GLI3: variants seen among roughly 807,000 people sequenced by gnomAD.
The protein encoded by GLI3 is transcription activator GLI3.
A neutral mutation model predicts 100.8 loss-of-function variants in GLI3; 20 were observed. The observed-to-expected ratio is 0.20, with a 90% confidence interval of 0.14 to 0.29. The LOEUF is 0.29. Ranked by LOEUF, GLI3 falls within the 10% of genes least tolerant of loss-of-function variation. The pLI is 1.00. For missense variants in GLI3, 2,040 were observed against 2,128.5 expected, an observed-to-expected ratio of 0.96 and a Z score of 0.82; for synonymous variants, 938 against 860.5, an observed-to-expected ratio of 1.09 and a Z score of -1.58.
intron 1 of GLI3, 102 bp downstream of exon 1, chr7:42,236,869 C>G (rs1412285761): frequency 6.6e-6 from 1 of 152,182 alleles, no homozygotes; most frequent in Admixed American, 6.5e-5. Context: ...TCACTCCATC[C>G]CGTCCCCACG....
Position 41,994,813 on chromosome 7 carries a change from G to C in GLI3, c.1498-16065C>G, listed in dbSNP as rs74318367. 4.7e-4 allele frequency among the ~76,000 whole-genome samples: 71 copies of C among 152,252 alleles called. No individual in the cohort carries two copies. In the East Asian group the frequency reaches 8.5e-3, roughly 18 times the overall value. ...AGATTTTCTTGGGAGTATTTGGCCG[G>C]TGTATATTGCATAATCATTCAAGTC... On this transcript the variant is annotated intron_variant, in intron 10 of 14. Coordinates refer to ENST00000395925, the MANE Select transcript of GLI3 (RefSeq NM_000168.6).
chr7:42,101,361 G>T (rs1324903107), intron 3 of GLI3, among the ~76,000 whole-genome samples: 1 of 152,158 alleles, frequency 6.6e-6, no homozygotes, highest in Admixed American at 6.5e-5. Flanking sequence ...AGCACTTTGG[G>T]AGGCTGAGGT....
At chr7:42,227,876 G>A (rs1029586177) in intron 1 of GLI3, among the ~76,000 whole-genome samples, 1 of 152,186 alleles carries the variant, frequency 6.6e-6, no homozygotes, top group Admixed American at 6.5e-5. Context: ...CCATTACAAA[G>A]GCGAGTCCCC....
intron 4 of GLI3, 21 bp from the exon 5 acceptor site, chr7:42,048,717 A>G: frequency 6.6e-7 from 1 of 1,516,640 alleles, no homozygotes; most frequent in Non-Finnish European, 9.1e-7. Context: ...AGAAAACCAG[A>G]TACAAGGGGT....
intron 4 of GLI3, among the ~76,000 whole-genome samples, chr7:42,058,922 G>C (rs1478527517): frequency 6.6e-6 from 1 of 152,126 alleles, no homozygotes; most frequent in Non-Finnish European, 1.5e-5. Flanking sequence ...TAAAAAGAAA[G>C]TCCATTCCAG....
intron 4 of GLI3, among the ~76,000 whole-genome samples, chr7:42,056,520 C>G (rs573713606): frequency 6.6e-6 from 1 of 152,044 alleles, no homozygotes; most frequent in Non-Finnish European, 1.5e-5. Flanking sequence ...TATTGCTTAA[C>G]GTATGCATTA....
chr7:42,011,114 A>G (rs1350947690), intron 10 of GLI3, among the ~76,000 whole-genome samples: 1 of 152,196 alleles, frequency 6.6e-6, no homozygotes, highest in Non-Finnish European at 1.5e-5. Context: ...GTTTAGGGGA[A>G]ATGTGGCCAC....
intron 6 of GLI3, among the ~76,000 whole-genome samples, chr7:42,044,518 A>G (rs1370184516): frequency 6.6e-6 from 1 of 152,208 alleles, no homozygotes; most frequent in Non-Finnish European, 1.5e-5. Context: ...GTGATACAAC[A>G]TGCATCAAGT....
chr7:42,237,578 C>T (rs547636962), upstream of GLI3, among the ~76,000 whole-genome samples: 45 of 151,938 alleles, frequency 3.0e-4, no homozygotes, highest in African/African-American at 9.4e-4. Context: ...TCTTCCTCCT[C>T]CTCCCCGCGC....
intron 10 of GLI3, among the ~76,000 whole-genome samples, chr7:42,002,903 T>A (rs535771419): frequency 6.6e-6 from 1 of 152,328 alleles, no homozygotes; most frequent in South Asian, 2.1e-4. Context: ...ATTAGGTTAC[T>A]GAGTGGATTA....
intron 4 of GLI3, among the ~76,000 whole-genome samples, chr7:42,064,574 A>C (rs1302357240): frequency 6.6e-6 from 1 of 152,212 alleles, no homozygotes; most frequent in Non-Finnish European, 1.5e-5. Context: ...AAACCCAACC[A>C]AATAGCATTG....
chr7:42,197,672 C>T (rs1787954785), intron 2 of GLI3, among the ~76,000 whole-genome samples: 2 of 152,286 alleles, frequency 1.3e-5, no homozygotes, highest in Admixed American at 6.5e-5. Context: ...TGCTATGTTC[C>T]GGTCAGCGGG....
intron 3 of GLI3, among the ~76,000 whole-genome samples, chr7:42,111,045 ATCT>A (rs1190040472): frequency 1.3e-5 from 2 of 152,350 alleles, no homozygotes; most frequent in African/African-American, 4.8e-5. Context: ...GTAAGCCTCA[ATCT>A]TCTTCTATAA....
intron 1 of GLI3, among the ~76,000 whole-genome samples, chr7:42,247,155 C>T (rs1424960574): frequency 6.6e-6 from 1 of 152,084 alleles, no homozygotes; most frequent in Non-Finnish European, 1.5e-5. Context: ...TGGTGGTTCA[C>T]TCTGGAAAAG....
intron 2 of GLI3, among the ~76,000 whole-genome samples, chr7:42,221,505 C>T (rs747533232): frequency 1.3e-5 from 2 of 152,140 alleles, no homozygotes; most frequent in Admixed American, 1.3e-4. Context: ...TACACACTCA[C>T]GCATACATTT....
chr7:42,105,348 C>T (rs967935240), intron 3 of GLI3, among the ~76,000 whole-genome samples: 3 of 152,104 alleles, frequency 2.0e-5, no homozygotes, highest in African/African-American at 7.2e-5. Flanking sequence ...ACATCTTTAT[C>T]ACCCAAAGTA....
At chr7:42,025,176 A>T (rs1312458037) in intron 9 of GLI3, 88 bp downstream of exon 9, 9 of 834,490 alleles carry the variant, frequency 1.1e-5, no homozygotes, top group East Asian at 4.9e-5. Flanking sequence ...TGAAAAAGAC[A>T]CCAGGTCTGG....
chr7:41,988,062 A>G (rs1003048584), intron 10 of GLI3, among the ~76,000 whole-genome samples: 3 of 152,210 alleles, frequency 2.0e-5, no homozygotes, highest in African/African-American at 7.2e-5. Flanking sequence ...GGTCAAAAGG[A>G]AACATCCTCA....
At position 42,170,269 on chromosome 7, in the gene GLI3, T is replaced by C. The variant is rs867621209; in HGVS notation, c.125-21801A>G. Reference sequence around the variant, plus strand: ...TGTGTTTCAAAAAAAAAAAAAATTATATATATATATATATATATACACACA... The same window carrying C: ...TGTGTTTCAAAAAAAAAAAAAATTACATATATATATATATATATACACACA... On this transcript the variant is annotated intron_variant, in intron 2 of 14. Coordinates refer to ENST00000395925, the MANE Select transcript of GLI3 (RefSeq NM_000168.6). Among the ~76,000 whole-genome samples the C allele has an allele frequency of 1.1e-3, 37 of 33,180 alleles. No individual in the cohort carries two copies. The East Asian group carries it at 0.016, about 14-fold the overall frequency. The allele number at this position is 33,180 out of a possible 152,430, so 21.8% of individuals were successfully genotyped here.
Sources: gnomAD v4.1 joint callset for allele counts (sites outside exome capture counted in the v4.1 genomes callset) on GRCh38, gnomAD v4.1.1 for gene constraint, MANE v1.5 for transcripts, NCBI Gene and HGNC (gene_info 2026-07-23, HGNC 2026-07-21) for gene names.